The following OSBPL9 variants were observed in gnomAD, a reference collection of about 807,000 sequenced individuals.
OSBPL9 encodes the protein oxysterol-binding protein-related protein 9.
Under a neutral mutation model 106.6 loss-of-function variants are expected in OSBPL9, and 40 were observed. That is an observed-to-expected ratio of 0.38 (90% CI 0.29 to 0.49). OSBPL9 has a LOEUF of 0.49. Among genes scored for constraint, OSBPL9 ranks in the 20% least tolerant of loss-of-function variants. The pLI is 0.97. For synonymous variants in OSBPL9, 269 were observed against 295.4 expected (o/e 0.91, Z 0.92); for missense variants, 609 against 887.2 (o/e 0.69, Z 3.98).
At chr1:51,747,406 C>T (rs1043169163) in intron 6 of OSBPL9, among the ~76,000 whole-genome samples, 1 of 152,130 alleles carries the variant, frequency 6.6e-6, no homozygotes, top group Non-Finnish European at 1.5e-5. Context: ...CAAGAATGTT[C>T]AGAATAAATA....
chr1:51,519,413 C>A, the OSBPL9 span: 4 of 216,478 alleles, frequency 1.8e-5, no homozygotes, highest in South Asian at 1.6e-4. Flanking sequence ...CCTGCCCGCC[C>A]GCCGGAGCCG....
intron 2 of OSBPL9, among the ~76,000 whole-genome samples, chr1:51,659,001 C>T (rs1247216744): frequency 1.3e-5 from 2 of 152,134 alleles, no homozygotes; most frequent in East Asian, 3.9e-4. Context: ...TCTATTTAAT[C>T]TCTGTGATTG....
chr1:51,737,548 GTGTGT>G, intron 4 of OSBPL9, among the ~76,000 whole-genome samples: 1 of 9,530 alleles, frequency 1.0e-4, no homozygotes, highest in South Asian at 6.3e-3. Flanking sequence ...TTTCAGGGGT[GTGTGT>G]GTGTGTGTGT....
chr1:51,627,026 A>T (rs1557603361), intron 1 of OSBPL9, among the ~76,000 whole-genome samples: 1 of 152,050 alleles, frequency 6.6e-6, no homozygotes, highest in Non-Finnish European at 1.5e-5. Flanking sequence ...TTATTTTGAG[A>T]CAAGGTCTTT....
chr1:51,565,405 A>C, the OSBPL9 span: 1 of 152,116 alleles, frequency 6.6e-6, no homozygotes, highest in African/African-American at 2.4e-5. Context: ...TGAGTCTGGA[A>C]TGTCTTCCCT....
At chr1:51,591,545 G>A (rs530863667) in intron 1 of OSBPL9, among the ~76,000 whole-genome samples, 24 of 152,292 alleles carry the variant, frequency 1.6e-4, no homozygotes, top group East Asian at 5.8e-4. Context: ...AGTGGCTCAC[G>A]CCTGTAATCC....
At chr1:51,685,324 C>G (rs9970850) in intron 3 of OSBPL9, among the ~76,000 whole-genome samples, 2 of 152,174 alleles carry the variant, frequency 1.3e-5, no homozygotes, top group African/African-American at 2.4e-5. Flanking sequence ...TCTGGTAATG[C>G]GTAGACTGCA....
the OSBPL9 span, among the ~76,000 whole-genome samples, chr1:51,549,184 T>G: frequency 6.6e-6 from 1 of 152,320 alleles, no homozygotes; most frequent in Non-Finnish European, 1.5e-5. Context: ...ACCACCCTAC[T>G]TCCTGTCATC....
the OSBPL9 span, among the ~76,000 whole-genome samples, chr1:51,545,429 C>T: frequency 4.6e-5 from 7 of 152,064 alleles, no homozygotes; most frequent in African/African-American, 1.7e-4. Context: ...AAAAATTATC[C>T]AGGCGTGGTG....
chr1:51,785,718 T>C, intron 20 of OSBPL9, 90 bp from the exon 21 acceptor site: 1 of 1,085,576 alleles, frequency 9.2e-7, no homozygotes, highest in Admixed American at 1.9e-5. Context: ...TGCTCTTCTG[T>C]GCTCTACTCT....
Position 51,772,620 on chromosome 1 carries a change from A to C in OSBPL9, c.1067A>C (p.His356Pro), listed in dbSNP as rs367859899. 77 of 1,613,864 alleles carry C rather than the reference A, an allele frequency of 4.8e-5. No individual in the cohort carries two copies. The highest frequency in any genetic ancestry group is 6.3e-5 in the Non-Finnish European group (74 of 1,179,810). ...GTSDADLFDS[H>P]DDRDDDAEAG... ...TTTATTTTAGACCTGTTTGATTCAC[A>C]TGATGACAGAGATGATGATGCGGAG... Residue 356 changes from histidine to proline, a missense_variant, in exon 14 of 24, where the codon CAT becomes CCT. Physicochemically the swap from His to Pro is moderately conservative, Grantham distance 77 (BLOSUM62 -2). Coordinates refer to ENST00000428468, the MANE Select transcript of OSBPL9 (RefSeq NM_024586.6).
chr1:51,773,874 A>G (rs1477542193), intron 14 of OSBPL9, among the ~76,000 whole-genome samples: 1 of 152,214 alleles, frequency 6.6e-6, no homozygotes, highest in Middle Eastern at 3.2e-3. Context: ...TGTTCTAGGT[A>G]GGAGAACATT....
In OSBPL9 at chr1:51,712,018, G is replaced by T. The variant is rs1002611886; in HGVS notation, c.242-1985G>T. On this transcript the variant is annotated intron_variant, in intron 3 of 23. Transcript: ENST00000428468. The stretch of plus-strand genomic sequence containing the variant: ...TCACTTCCCAGACGGGGTGGTGGCC[G>T]GGCAGAGGCTGCAATCTCGGCACTT... 2.6e-5 allele frequency among the ~76,000 whole-genome samples: 4 copies of T among 152,068 alleles called. No individual in the cohort carries two copies. In the East Asian group the frequency reaches 7.7e-4, roughly 29 times the overall value.
At chr1:51,750,297 C>A in intron 8 of OSBPL9, 102 bp downstream of exon 8, 1 of 708,594 alleles carries the variant, frequency 1.4e-6, no homozygotes, top group East Asian at 2.8e-5. Context: ...AACATAGTAC[C>A]TTTCTACATT....
intron 1 of OSBPL9, among the ~76,000 whole-genome samples, chr1:51,633,600 A>G (rs1185167401): frequency 1.4e-5 from 2 of 146,194 alleles, no homozygotes; most frequent in East Asian, 4.0e-4. Context: ...CAAAAAATAA[A>G]GTAAATAAAA....
At chr1:51,642,921 C>T (rs1015422943) in intron 1 of OSBPL9, among the ~76,000 whole-genome samples, 2 of 152,146 alleles carry the variant, frequency 1.3e-5, no homozygotes, top group Non-Finnish European at 2.9e-5. Flanking sequence ...TTGAGAAATC[C>T]ATGGACATTT....
chr1:51,595,369 CCATCCATCCATCCTTCCATT>C (rs1263753720), intron 1 of OSBPL9, among the ~76,000 whole-genome samples: 4 of 152,178 alleles, frequency 2.6e-5, no homozygotes, highest in Non-Finnish European at 4.4e-5. Flanking sequence ...TTCTATCCTT[CCATCCATCCATCCTTCCATT>C]CATCCATCCA....
intron 16 of OSBPL9, 84 bp downstream of exon 16, chr1:51,781,419 A>ATTGTATACTGATTCAAGATTTTATTTAGG: frequency 3.7e-6 from 5 of 1,339,328 alleles, no homozygotes; most frequent in Middle Eastern, 2.3e-4. Context: ...TAATGATGAA[A>ATTGTATACTGATTCAAGATTTTATTTAGG]GCAATGATCA....
At chr1:51,619,242 A>G (rs1245646191) in intron 1 of OSBPL9, among the ~76,000 whole-genome samples, 2 of 152,210 alleles carry the variant, frequency 1.3e-5, no homozygotes, top group African/African-American at 4.8e-5. Context: ...AAGTTACTTT[A>G]CAAATCCCAA....
Sources: allele counts gnomAD v4.1 joint callset (sites outside exome capture counted in the v4.1 genomes callset), GRCh38; gene constraint gnomAD v4.1.1; transcripts MANE v1.5; gene names NCBI Gene and HGNC (gene_info 2026-07-23, HGNC 2026-07-21).